Variants in ACAP2 observed in about 807,000 individuals in gnomAD.
The protein encoded by ACAP2 is ArfGAP with coiled-coil, ankyrin repeat and PH domains 2.
ACAP2 carries 39 observed loss-of-function variants against 115.8 expected under a neutral mutation model. The ratio of observed to expected loss-of-function variants is 0.34; its 90% confidence interval spans 0.26 to 0.44. The LOEUF (loss-of-function observed/expected upper bound fraction) is 0.44, where lower values mean the gene tolerates loss of function less well. Among genes scored for constraint, ACAP2 ranks in the 20% least tolerant of loss-of-function variants. The probability of loss-of-function intolerance (pLI) is 1.00; values close to 1 mark genes in which losing one functional copy is unlikely to be tolerated. For synonymous variants in ACAP2, 289 were observed against 315.8 expected, an observed-to-expected ratio of 0.92 and a Z score of 0.90; for missense variants, 662 against 927.6, an observed-to-expected ratio of 0.71 and a Z score of 3.72.
intron 2 of ACAP2, among the ~76,000 whole-genome samples, chr3:195,382,333 AACGCAG>A (rs1734000027): frequency 6.6e-6 from 1 of 152,186 alleles, no homozygotes; most frequent in South Asian, 2.1e-4. Flanking sequence ...TTAGTCTATC[AACGCAG>A]ATAGCTAAAG....
At chr3:195,293,902 G>A (rs1205761069) in intron 18 of ACAP2, among the ~76,000 whole-genome samples, 2 of 152,008 alleles carry the variant, frequency 1.3e-5, no homozygotes, top group African/African-American at 4.8e-5. Flanking sequence ...GGGAGGCCGA[G>A]GCGGGTGGAT....
At chr3:195,359,416 G>A (rs187971814) in intron 4 of ACAP2, among the ~76,000 whole-genome samples, 2 of 152,262 alleles carry the variant, frequency 1.3e-5, no homozygotes, top group East Asian at 3.9e-4. Context: ...TATACACAGG[G>A]AAACAGTAAA....
At chr3:195,388,945 A>G (rs1734475635) in intron 2 of ACAP2, among the ~76,000 whole-genome samples, 1 of 151,840 alleles carries the variant, frequency 6.6e-6, no homozygotes, top group South Asian at 2.1e-4. Flanking sequence ...AATCGCTTCA[A>G]CCTGGAAGGT....
At chr3:195,338,371 C>T (rs1378056122) in intron 6 of ACAP2, among the ~76,000 whole-genome samples, 7 of 152,164 alleles carry the variant, frequency 4.6e-5, no homozygotes, top group Admixed American at 1.3e-4. Context: ...CTCACTGCAG[C>T]CTCGAACTCC....
intron 18 of ACAP2, among the ~76,000 whole-genome samples, 178 bp from the exon 19 acceptor site, chr3:195,292,630 G>C (rs1388694108): frequency 6.6e-6 from 1 of 152,096 alleles, no homozygotes; most frequent in Non-Finnish European, 1.5e-5. Context: ...ACTTAAAAAT[G>C]GTTAAGATGG....
intron 7 of ACAP2, among the ~76,000 whole-genome samples, chr3:195,334,319 T>G (rs1342213046): frequency 6.6e-6 from 1 of 151,486 alleles, no homozygotes; most frequent in African/African-American, 2.4e-5. Context: ...TTGAACAAAT[T>G]TGTGAATAAA....
At chr3:195,289,293 T>TA in intron 20 of ACAP2, 62 bp from the exon 21 acceptor site, 1 of 1,152,674 alleles carries the variant, frequency 8.7e-7, no homozygotes, top group Non-Finnish European at 1.3e-6. Flanking sequence ...AGTATTCACC[T>TA]TAAAAAAAAA....
At chr3:195,402,151 T>C (rs1226276030) in intron 1 of ACAP2, among the ~76,000 whole-genome samples, 1 of 152,200 alleles carries the variant, frequency 6.6e-6, no homozygotes, top group Non-Finnish European at 1.5e-5. Flanking sequence ...GCAGACACTA[T>C]GATTCATTTA....
intron 22 of ACAP2, chr3:195,282,098 T>C (rs1726548001): frequency 6.6e-6 from 1 of 152,220 alleles, no homozygotes; most frequent in Non-Finnish European, 1.5e-5. Flanking sequence ...CTGTTAAGTA[T>C]TACAACAGTA....
intron 20 of ACAP2, 124 bp downstream of exon 20, chr3:195,291,582 T>C: frequency 1.6e-6 from 1 of 610,976 alleles, no homozygotes; most frequent in Non-Finnish European, 2.6e-6. Flanking sequence ...CGTGACAAAA[T>C]AAGTCATGGA....
intron 1 of ACAP2, chr3:195,410,881 C>CT: frequency 9.1e-6 from 2 of 219,856 alleles, no homozygotes; most frequent in South Asian, 4.7e-5. Context: ...CTAATGGTCC[C>CT]TTTTTTGCCC....
At chr3:195,299,416 A>T (rs1177022547) in intron 15 of ACAP2, among the ~76,000 whole-genome samples, 17 of 36,942 alleles carry the variant, frequency 4.6e-4, no homozygotes, top group Admixed American at 3.2e-3. Flanking sequence ...CAAAAAATAC[A>T]AAAAAAAAAA....
rs187275151 is a variant in ACAP2, at chr3:195,423,193, C to T, written c.53+19602G>A. ...GTACATGTGAGATGTATTTTATATACCTATTATACATGCATGTAAGATAAA... is the reference window on the plus strand; with the variant it reads ...GTACATGTGAGATGTATTTTATATATCTATTATACATGCATGTAAGATAAA... On this transcript the variant is annotated intron_variant, in intron 1 of 22. Coordinates refer to ENST00000326793, the MANE Select transcript of ACAP2 (RefSeq NM_012287.6). Among the ~76,000 whole-genome samples the T allele has an allele frequency of 2.5e-3, 384 of 151,968 alleles. 3 individuals are homozygous for T. Among genetic ancestry groups the T allele is most frequent in the African/African-American group, 8.9e-3 (368 of 41,438 alleles).
chr3:195,355,529 A>T (rs1163054940), intron 4 of ACAP2, among the ~76,000 whole-genome samples: 1 of 152,150 alleles, frequency 6.6e-6, no homozygotes, highest in Non-Finnish European at 1.5e-5. Context: ...TCCAAGCAAC[A>T]CATGTATTAC....
intron 6 of ACAP2, among the ~76,000 whole-genome samples, chr3:195,339,561 G>T (rs1417904573): frequency 1.3e-5 from 2 of 151,216 alleles, no homozygotes; most frequent in East Asian, 1.9e-4. Flanking sequence ...CAAATATTTA[G>T]AGTAGTTAAA....
chr3:195,289,037 T>A, intron 21 of ACAP2, 84 bp downstream of exon 21: 1 of 1,041,222 alleles, frequency 9.6e-7, no homozygotes, highest in Non-Finnish European at 1.4e-6. Context: ...ATCCACAGGG[T>A]CCTGGAACTA....
At chr3:195,312,805 T>G (rs1728854006) in intron 10 of ACAP2, 1 of 152,214 alleles carries the variant, frequency 6.6e-6, no homozygotes, top group Non-Finnish European at 1.5e-5. Flanking sequence ...AATAGTTATA[T>G]TTTCTTCCCA....
intron 17 of ACAP2, 128 bp downstream of exon 17, chr3:195,295,580 T>C (rs1727589444): frequency 1.0e-6 from 1 of 992,748 alleles, no homozygotes; most frequent in Admixed American, 2.8e-5. Flanking sequence ...TCAGTTTTTC[T>C]TAGAATATGT....
chr3:195,442,941 G>A lies in ACAP2; in HGVS notation c.-94C>T, dbSNP rs1436899000. The A allele has an allele frequency of 8.4e-7, 1 of 1,196,022 alleles. No individual in the cohort carries two copies. Among genetic ancestry groups the A allele is most frequent in the African/African-American group, 1.6e-5 (1 of 61,452 alleles). The allele number at this position is 1,196,022 out of a possible 1,614,324, so 74.1% of individuals were successfully genotyped here. A position where few individuals can be genotyped will look rare whatever the true frequency, so the allele number is the denominator to read the frequency against. On this transcript the variant is annotated 5_prime_UTR_variant, in exon 1 of 23. Coordinates refer to ENST00000326793, the MANE Select transcript of ACAP2 (RefSeq NM_012287.6). ...AGACGGCTACGGCGGGCGCACGGCC[G>A]CGACTAGCGTTGCGCGGAGCTGCGA...
Sources: allele counts gnomAD v4.1 joint callset (sites outside exome capture counted in the v4.1 genomes callset), GRCh38; gene constraint gnomAD v4.1.1; transcripts MANE v1.5; gene names NCBI Gene and HGNC (gene_info 2026-07-23, HGNC 2026-07-21).